Variants in SEPTIN2 observed in about 807,000 individuals in gnomAD.
SEPTIN2 encodes septin 2, also known as septin-2.
In SEPTIN2, 34 loss-of-function variants were observed where a neutral mutation model predicts 46.5. That is an observed-to-expected ratio of 0.73 (90% CI 0.56 to 0.97). SEPTIN2 has a LOEUF of 0.97. Ranked by LOEUF, SEPTIN2 falls within the 50% of genes least tolerant of loss-of-function variation. SEPTIN2 has a pLI of 0.00. For synonymous variants in SEPTIN2, 175 were observed against 153.4 expected, an observed-to-expected ratio of 1.14 and a Z score of -1.04; for missense variants, 347 against 448.4, an observed-to-expected ratio of 0.77 and a Z score of 2.04.
intron 1 of SEPTIN2, among the ~76,000 whole-genome samples, chr2:241,323,110 C>G (rs965381564): frequency 6.6e-6 from 1 of 151,602 alleles, no homozygotes; most frequent in Non-Finnish European, 1.5e-5. Context: ...TTCAAGCAGT[C>G]CTGCCTCTGC....
At chr2:241,334,331 A>G (rs752284148) in intron 3 of SEPTIN2, among the ~76,000 whole-genome samples, 3 of 152,230 alleles carry the variant, frequency 2.0e-5, no homozygotes, top group South Asian at 2.1e-4. Context: ...ATCATCTGCA[A>G]TGAAGCAGTG....
rs59492636 is a variant in SEPTIN2 at position 241,327,050 on chromosome 2, C to CA, written c.130+965dup. On this transcript the variant is annotated intron_variant, in intron 3 of 12. Coordinates refer to ENST00000391971, the MANE Select transcript of SEPTIN2 (RefSeq NM_004404.5). ...AGCCTGGGTGAATGAAACCTTGTCT[C>CA]AAAAAAAAAAAAAAAAAAAAAAAAA... Among the ~76,000 whole-genome samples the CA allele has an allele frequency of 4.0e-3, 267 of 66,016 alleles. 11 individuals carry two copies. The highest frequency in any genetic ancestry group is 5.5e-3 in the Non-Finnish European group (215 of 38,936). 43.3% of individuals were successfully genotyped at this position (66,016 alleles called of 152,430 possible).
intron 3 of SEPTIN2, among the ~76,000 whole-genome samples, chr2:241,331,127 C>T (rs1294935093): frequency 2.6e-5 from 4 of 151,950 alleles, no homozygotes; most frequent in African/African-American, 9.7e-5. Flanking sequence ...TTCAGTGAGC[C>T]GAGGTCATGC....
chr2:241,317,883 T>A (rs1222394015), intron 1 of SEPTIN2, among the ~76,000 whole-genome samples: 1 of 152,180 alleles, frequency 6.6e-6, no homozygotes, highest in Non-Finnish European at 1.5e-5. Flanking sequence ...TTAAACAACT[T>A]CTGGCATGTG....
At chr2:241,317,425 T>G (rs2076514547) in intron 1 of SEPTIN2, 1 of 470,692 alleles carries the variant, frequency 2.1e-6, no homozygotes, top group Non-Finnish European at 2.8e-6. Context: ...CAAGGTGACC[T>G]AGGGAAAGGG....
At chr2:241,332,811 A>G (rs1161339915) in intron 3 of SEPTIN2, among the ~76,000 whole-genome samples, 4 of 152,284 alleles carry the variant, frequency 2.6e-5, no homozygotes, top group African/African-American at 4.8e-5. Context: ...CTACTCGTAG[A>G]TGCAACAACA....
chr2:241,328,634 C>A (rs1055839350), intron 3 of SEPTIN2, among the ~76,000 whole-genome samples: 1 of 150,966 alleles, frequency 6.6e-6, no homozygotes, highest in African/African-American at 2.4e-5. Context: ...CCCAGCTACT[C>A]GGGAGGCTGA....
At chr2:241,336,765 T>A (rs1368865613) in intron 5 of SEPTIN2, 1 of 170,640 alleles carries the variant, frequency 5.9e-6, no homozygotes, top group Non-Finnish European at 1.4e-5. Context: ...ACCACCCTGT[T>A]CCTCTGCCCC....
chr2:241,328,587 A>T (rs1015938918), intron 3 of SEPTIN2, among the ~76,000 whole-genome samples: 1 of 150,220 alleles, frequency 6.7e-6, no homozygotes, highest in African/African-American at 2.5e-5. Context: ...AAAAAAAAAT[A>T]CTAAATTAGC....
chr2:241,326,172 C>T, intron 3 of SEPTIN2, 59 bp downstream of exon 3: 1 of 1,518,570 alleles, frequency 6.6e-7, no homozygotes, highest in Non-Finnish European at 8.9e-7. Flanking sequence ...TTTCCAATCT[C>T]TGGAGTATGA....
chr2:241,331,145 C>T (rs1475626956), intron 3 of SEPTIN2, among the ~76,000 whole-genome samples: 1 of 152,172 alleles, frequency 6.6e-6, no homozygotes, highest in Non-Finnish European at 1.5e-5. Flanking sequence ...TGCCACTGCA[C>T]TCCAGCCTGC....
chr2:241,331,379 T>TA (rs1419519313), intron 3 of SEPTIN2, among the ~76,000 whole-genome samples: 1 of 152,196 alleles, frequency 6.6e-6, no homozygotes, highest in Non-Finnish European at 1.5e-5. Flanking sequence ...TTGGAACTAT[T>TA]ATGCCCTTTC....
chr2:241,344,423 G>T (rs1268245309), intron 9 of SEPTIN2, among the ~76,000 whole-genome samples: 1 of 152,214 alleles, frequency 6.6e-6, no homozygotes, highest in Non-Finnish European at 1.5e-5. Flanking sequence ...TCATGGCTGG[G>T]CGTGGTGGCT....
At chr2:241,321,918 C>CCTT (rs904852619) in intron 1 of SEPTIN2, among the ~76,000 whole-genome samples, 1 of 152,010 alleles carries the variant, frequency 6.6e-6, no homozygotes, top group African/African-American at 2.4e-5. Context: ...TACATCTGAC[C>CCTT]CTTCTCTTTC....
intron 2 of SEPTIN2, chr2:241,325,301 C>T (rs1194379214): frequency 6.6e-6 from 1 of 152,052 alleles, no homozygotes; most frequent in East Asian, 1.9e-4. Flanking sequence ...CTATTCTTGC[C>T]TTCTCATATC....
rs7565357 is a variant in SEPTIN2 at position 241,336,957 on chromosome 2, G to A, written c.342-425G>A. On this transcript the variant is annotated intron_variant, in intron 5 of 12. Coordinates refer to ENST00000391971, the MANE Select transcript of SEPTIN2 (RefSeq NM_004404.5). ...AAAAATACAAAAATTAGCCGGGCGT[G>A]GTGGCGTGTGCCTATAATCCCAGCT... The A allele has an allele frequency of 4.4e-3, 687 of 155,748 alleles. 8 individuals are homozygous for A. Among genetic ancestry groups the A allele is most frequent in the African/African-American group, 0.016 (655 of 41,592 alleles). 9.6% of individuals were successfully genotyped at this position (155,748 alleles called of 1,614,324 possible).
intron 7 of SEPTIN2, among the ~76,000 whole-genome samples, chr2:241,338,994 A>G (rs1249906915): frequency 9.1e-6 from 1 of 110,130 alleles, no homozygotes; most frequent in African/African-American, 3.4e-5. Flanking sequence ...ATATTTATAA[A>G]TATATATAAA....
chr2:241,321,188 T>A (rs1178669869), intron 1 of SEPTIN2, among the ~76,000 whole-genome samples: 1 of 152,216 alleles, frequency 6.6e-6, no homozygotes, highest in Non-Finnish European at 1.5e-5. Flanking sequence ...ATTACTCAGT[T>A]CTTCTCTGTC....
Position 241,353,698 on chromosome 2 carries a change from A to T in SEPTIN2, c.*1761A>T, listed in dbSNP as rs2060936478. On this transcript the variant is annotated 3_prime_UTR_variant, in exon 13 of 13. Transcript: ENST00000391971. ...GCGGAGTCCATTATTTGAGTTTGAC[A>T]TTTAATAACTTTGCTGGAAAATCTG... 6.5e-6 allele frequency: 1 copy of T among 152,930 alleles called. No homozygotes were observed. The highest frequency in any genetic ancestry group is 1.5e-5 in the Non-Finnish European group (1 of 68,036). The allele number at this position is 152,930 out of a possible 1,614,324, so 9.5% of individuals were successfully genotyped here.
Sources: allele counts gnomAD v4.1 joint callset (sites outside exome capture counted in the v4.1 genomes callset), GRCh38; gene constraint gnomAD v4.1.1; transcripts MANE v1.5; gene names NCBI Gene and HGNC (gene_info 2026-07-23, HGNC 2026-07-21).